The following RYR2 variants were observed in gnomAD, a reference collection of about 807,000 sequenced individuals.
RYR2 encodes the protein ryanodine receptor 2, also known as cardiac muscle ryanodine receptor-calcium release channel.
RYR2 carries 227 observed loss-of-function variants against 601.1 expected under a neutral mutation model. The observed-to-expected ratio is 0.38, with a 90% CI of 0.34 to 0.42. The LOEUF (loss-of-function observed/expected upper bound fraction) is 0.42, where lower values mean the gene tolerates loss of function less well. Among genes scored for constraint, RYR2 ranks in the 10% least tolerant of loss-of-function variants. The pLI is 1.00. For synonymous variants in RYR2, 2,223 were observed against 2,175.1 expected, an observed-to-expected ratio of 1.02 and a Z score of -0.61; for missense variants, 4,646 against 6,156.5, an observed-to-expected ratio of 0.75 and a Z score of 8.21.
chr1:237,273,894 T>C (rs903638242), intron 2 of RYR2, among the ~76,000 whole-genome samples: 4 of 147,618 alleles, frequency 2.7e-5, no homozygotes, highest in African/African-American at 9.8e-5. Flanking sequence ...ATAAATGATA[T>C]AATAAACATA....
intron 12 of RYR2, among the ~76,000 whole-genome samples, chr1:237,440,519 G>T (rs1469409536): frequency 1.3e-5 from 2 of 152,128 alleles, no homozygotes; most frequent in African/African-American, 4.8e-5. Flanking sequence ...AGAGTATGTT[G>T]GAGGAGGAAG....
intron 1 of RYR2, among the ~76,000 whole-genome samples, chr1:237,129,999 A>G (rs1671977328): frequency 6.6e-6 from 1 of 152,182 alleles, no homozygotes; most frequent in Non-Finnish European, 1.5e-5. Flanking sequence ...TCAGTTAGAT[A>G]GTATGAATAA....
chr1:237,748,553 C>G (rs367608706), intron 80 of RYR2, among the ~76,000 whole-genome samples: 3 of 152,126 alleles, frequency 2.0e-5, no homozygotes, highest in Non-Finnish European at 2.9e-5. Flanking sequence ...CATAAGTACA[C>G]TGTGTGGGGG....
intron 80 of RYR2, among the ~76,000 whole-genome samples, chr1:237,749,645 G>A (rs994025063): frequency 6.6e-6 from 1 of 152,006 alleles, no homozygotes; most frequent in Admixed American, 6.6e-5. Flanking sequence ...GTTCTCAGAT[G>A]TCAAATCTAC....
chr1:237,464,274 C>T (rs774759399), intron 16 of RYR2, among the ~76,000 whole-genome samples: 7 of 152,150 alleles, frequency 4.6e-5, no homozygotes, highest in East Asian at 3.9e-4. Flanking sequence ...TTTGGACTTC[C>T]GTGCTTTTTT....
chr1:237,538,323 A>G (rs567253147), intron 25 of RYR2, among the ~76,000 whole-genome samples: 1 of 133,084 alleles, frequency 7.5e-6, no homozygotes. Context: ...TGAACCCAGG[A>G]GGCGGAACTT....
In RYR2 at chr1:237,590,802, G is replaced by A; in HGVS notation, c.3970G>A (p.Gly1324Arg). Reference protein sequence around the residue: ...FSKTVAGGLPGAGLFGPKNDL... With the variant: ...FSKTVAGGLPRAGLFGPKNDL... ...CAAGACGGTGGCTGGAGGGCTCCCT[G>A]GGGCTGGCCTTTTTGGGCCCAAGAA... Residue 1324 changes from glycine (G) to arginine (R), a missense_variant, in exon 31 of 105, where the codon GGG (glycine) becomes AGG (arginine). This residue lies in a region of RYR2 where 1,807 missense variants were observed against 2,088.1 expected (regional missense o/e 0.87). Transcript: ENST00000366574. The A allele has an allele frequency of 6.2e-7, 1 of 1,613,870 alleles. No individual in the cohort carries two copies. Among genetic ancestry groups the A allele is most frequent in the South Asian group, 1.1e-5 (1 of 91,068 alleles).
intron 73 of RYR2, among the ~76,000 whole-genome samples, chr1:237,720,304 G>A (rs905574342): frequency 3.3e-5 from 5 of 152,084 alleles, no homozygotes; most frequent in Non-Finnish European, 7.4e-5. Context: ...GTATTAAAAT[G>A]TCTCTTTCCA....
intron 4 of RYR2, among the ~76,000 whole-genome samples, chr1:237,359,591 G>T (rs1351432142): frequency 6.6e-6 from 1 of 151,982 alleles, no homozygotes; most frequent in Non-Finnish European, 1.5e-5. Context: ...CATTATTCTG[G>T]ATAGTTTCAT....
Position 237,284,683 on chromosome 1 carries a change from T to TACACACACACAC in RYR2, c.168+14070_168+14081dup, listed in dbSNP as rs71180018. On this transcript the variant is annotated intron_variant, in intron 2 of 104. Transcript: ENST00000366574. ...ATTCCACCATATATATATATATATG[T>TACACACACACAC]ACACACACACACACCCATAAACACC... Among the ~76,000 whole-genome samples, 392 of 143,600 alleles carry TACACACACACAC rather than the reference T, an allele frequency of 2.7e-3. 1 individual carries two copies. The highest frequency in any genetic ancestry group is 0.016 in the South Asian group (71 of 4,552). 94.2% of individuals were successfully genotyped at this position (143,600 alleles called of 152,430 possible).
At chr1:237,709,414 GTT>G (rs35261418) in intron 69 of RYR2, 64 bp from the exon 70 acceptor site, 11,706 of 674,890 alleles carry the variant, frequency 0.017, 1 homozygote, top group Non-Finnish European at 0.022. Context: ...TGGGGGGATG[GTT>G]TTTTTTTTTT....
chr1:237,086,780 C>T (rs572727847), intron 1 of RYR2, among the ~76,000 whole-genome samples: 9 of 152,122 alleles, frequency 5.9e-5, no homozygotes, highest in South Asian at 2.1e-4. Context: ...TCACAGGCAG[C>T]GTTATGGTTT....
intron 14 of RYR2, among the ~76,000 whole-genome samples, chr1:237,449,427 C>T (rs1052940387): frequency 4.6e-5 from 7 of 152,052 alleles, no homozygotes; most frequent in African/African-American, 9.7e-5. Context: ...TCCCAGTTTT[C>T]GCACTTTGTC....
At chr1:237,411,219 G>C (rs1231566918) in intron 10 of RYR2, among the ~76,000 whole-genome samples, 1 of 152,078 alleles carries the variant, frequency 6.6e-6, no homozygotes, top group Non-Finnish European at 1.5e-5. Flanking sequence ...CAAGCAAGAA[G>C]CACCTAGTTA....
At chr1:237,777,428 A>G (rs574541265) in intron 87 of RYR2, among the ~76,000 whole-genome samples, 1 of 152,292 alleles carries the variant, frequency 6.6e-6, no homozygotes, top group East Asian at 1.9e-4. Flanking sequence ...TTTCTAGCAT[A>G]AGATCTGAAA....
At chr1:237,824,905 A>T (rs757584674) in intron 101 of RYR2, among the ~76,000 whole-genome samples, 16 of 152,196 alleles carry the variant, frequency 1.1e-4, no homozygotes, top group Non-Finnish European at 2.1e-4. Context: ...ATTGTGAGTG[A>T]ACACCCATTC....
chr1:237,129,075 G>C lies in RYR2; in HGVS notation c.48+86506G>C, dbSNP rs180806172. ...TTTTAGACATTCAAGGGCAAATGGA[G>C]AACAGGTAGTTGGACATCTGACTAC... On this transcript the variant is annotated intron_variant, in intron 1 of 104. Coordinates refer to ENST00000366574, the MANE Select transcript of RYR2 (RefSeq NM_001035.3). Among the ~76,000 whole-genome samples the C allele has an allele frequency of 2.6e-5, 4 of 152,260 alleles. No individual in the cohort carries two copies. The East Asian group carries it at 7.7e-4, about 29-fold the overall frequency.
chr1:237,159,688 C>T (rs1275139189), intron 1 of RYR2, among the ~76,000 whole-genome samples: 1 of 152,108 alleles, frequency 6.6e-6, no homozygotes, highest in Non-Finnish European at 1.5e-5. Context: ...ACTAGTAGTA[C>T]TACTACTAAT....
chr1:237,566,990 G>A (rs1213355614), intron 28 of RYR2, among the ~76,000 whole-genome samples: 2 of 152,110 alleles, frequency 1.3e-5, no homozygotes, highest in Non-Finnish European at 2.9e-5. Context: ...CTTTTCCATG[G>A]TTATCAAAAA....
Sources: gnomAD v4.1 joint callset for allele counts (sites outside exome capture counted in the v4.1 genomes callset) on GRCh38, gnomAD v4.1.1 for gene constraint, gnomAD v4.1.1 regional missense constraint, MANE v1.5 for transcripts, NCBI Gene and HGNC (gene_info 2026-07-23, HGNC 2026-07-21) for gene names.